RABGAP1: variants seen among roughly 807,000 people sequenced by gnomAD.
RABGAP1 encodes RAB GTPase activating protein 1.
A neutral mutation model predicts 137.6 loss-of-function variants in RABGAP1; 23 were observed. The observed-to-expected ratio is 0.17, with a 90% CI of 0.12 to 0.24. RABGAP1 has a LOEUF of 0.24. Among genes scored for constraint, RABGAP1 ranks in the 10% least tolerant of loss-of-function variants. The pLI is 1.00. For synonymous variants in RABGAP1, 451 were observed against 450.7 expected, an observed-to-expected ratio of 1.00 and a Z score of -0.01; for missense variants, 906 against 1,275.8, an observed-to-expected ratio of 0.71 and a Z score of 4.42.
chr9:122,987,424 T>A (rs1836429502), intron 4 of RABGAP1, among the ~76,000 whole-genome samples: 1 of 152,184 alleles, frequency 6.6e-6, no homozygotes, highest in Admixed American at 6.5e-5. Flanking sequence ...AAGATCTTCT[T>A]TGCATATTGG....
intron 24 of RABGAP1, 24 bp from the exon 25 acceptor site, chr9:123,101,542 T>C (rs746194564): frequency 1.0e-5 from 16 of 1,607,520 alleles, no homozygotes; most frequent in Non-Finnish European, 1.4e-5. Flanking sequence ...TCTTTGCCTC[T>C]TCACATCTAA....
chr9:122,966,276 G>C (rs1835138028), intron 2 of RABGAP1, among the ~76,000 whole-genome samples: 1 of 152,152 alleles, frequency 6.6e-6, no homozygotes, highest in Non-Finnish European at 1.5e-5. Flanking sequence ...TGTAATCCCA[G>C]CACTATGGGA....
intron 1 of RABGAP1, among the ~76,000 whole-genome samples, chr9:122,947,017 A>G (rs1833983169): frequency 6.6e-6 from 1 of 152,178 alleles, no homozygotes; most frequent in Admixed American, 6.5e-5. Context: ...ATTTTTAAAC[A>G]TGGAGCTACT....
chr9:122,983,993 G>C (rs1836230887), intron 2 of RABGAP1, among the ~76,000 whole-genome samples: 1 of 152,154 alleles, frequency 6.6e-6, no homozygotes, highest in African/African-American at 2.4e-5. Context: ...CTCTTCCTCA[G>C]AAATACAAGA....
intron 21 of RABGAP1, among the ~76,000 whole-genome samples, chr9:123,090,742 T>C (rs1773748555): frequency 2.0e-5 from 3 of 152,346 alleles, no homozygotes; most frequent in South Asian, 2.1e-4. Flanking sequence ...GATTTTGTTA[T>C]CCTACATATT....
intron 10 of RABGAP1, among the ~76,000 whole-genome samples, chr9:123,003,419 A>T (rs1588251055): frequency 6.6e-6 from 1 of 152,316 alleles, no homozygotes; most frequent in East Asian, 1.9e-4. Flanking sequence ...CATCTATAAG[A>T]GTATTTTTAG....
intron 1 of RABGAP1, 116 bp from the exon 2 acceptor site, chr9:122,956,895 A>G (rs1182741277): frequency 4.2e-6 from 2 of 471,586 alleles, no homozygotes; most frequent in African/African-American, 2.0e-5. Context: ...AAGTCTTAGG[A>G]AAATATTTTT....
intron 16 of RABGAP1, among the ~76,000 whole-genome samples, chr9:123,074,007 T>C (rs1455446778): frequency 6.6e-6 from 1 of 152,162 alleles, no homozygotes; most frequent in Non-Finnish European, 1.5e-5. Flanking sequence ...TGAAACAAAC[T>C]TTCCCAAATG....
At chr9:122,955,775 C>T (rs1834485667) in intron 1 of RABGAP1, among the ~76,000 whole-genome samples, 2 of 152,120 alleles carry the variant, frequency 1.3e-5, no homozygotes, top group Non-Finnish European at 2.9e-5. Flanking sequence ...GTGTTTGACA[C>T]ATGGTGTATG....
chr9:123,017,095 C>T (rs2031289285), intron 12 of RABGAP1, among the ~76,000 whole-genome samples: 1 of 152,142 alleles, frequency 6.6e-6, no homozygotes, highest in Non-Finnish European at 1.5e-5. Flanking sequence ...TTCTGGTGCT[C>T]TTGTCACAAT....
chr9:122,947,041 T>G (rs1833984628), intron 1 of RABGAP1, among the ~76,000 whole-genome samples: 1 of 152,136 alleles, frequency 6.6e-6, no homozygotes, highest in African/African-American at 2.4e-5. Context: ...ATCTACCTCA[T>G]GGAACTGTAA....
chr9:123,071,379 A>G (rs187142294), intron 15 of RABGAP1: 1 of 152,344 alleles, frequency 6.6e-6, no homozygotes, highest in East Asian at 1.9e-4. Flanking sequence ...AATGTCCCAC[A>G]GTCTTGATTT....
At chr9:122,966,062 A>G (rs922857524) in intron 2 of RABGAP1, among the ~76,000 whole-genome samples, 1 of 152,240 alleles carries the variant, frequency 6.6e-6, no homozygotes, top group African/African-American at 2.4e-5. Context: ...GATGGGAAAG[A>G]GAAAGGTAAG....
intron 4 of RABGAP1, among the ~76,000 whole-genome samples, chr9:122,988,351 T>C (rs1172510857): frequency 6.6e-6 from 1 of 152,218 alleles, no homozygotes; most frequent in Non-Finnish European, 1.5e-5. Context: ...AGTTTCTTTT[T>C]AGACCTTCCA....
intron 13 of RABGAP1, among the ~76,000 whole-genome samples, chr9:123,052,852 ATC>A (rs367863310): frequency 1.9e-3 from 289 of 152,308 alleles, no homozygotes; most frequent in African/African-American, 6.1e-3. Flanking sequence ...AGGCAGGAAA[ATC>A]TCTTGAACCT....
chr9:123,038,533 T>A (rs2032789484), intron 13 of RABGAP1, among the ~76,000 whole-genome samples: 1 of 152,068 alleles, frequency 6.6e-6, no homozygotes, highest in Non-Finnish European at 1.5e-5. Flanking sequence ...ATAGGAATTG[T>A]TTTAATTTCA....
intron 2 of RABGAP1, among the ~76,000 whole-genome samples, chr9:122,959,100 A>G (rs1834703166): frequency 6.6e-6 from 1 of 152,164 alleles, no homozygotes; most frequent in South Asian, 2.1e-4. Context: ...ATAAGAGTGA[A>G]TGACAGGTGC....
At chr9:122,944,696 G>C (rs900711531) in intron 1 of RABGAP1, among the ~76,000 whole-genome samples, 19 of 151,278 alleles carry the variant, frequency 1.3e-4, no homozygotes, top group Admixed American at 8.6e-4. Context: ...TCAGCTTCCC[G>C]AGTAGCTGGG....
intron 1 of RABGAP1, chr9:122,946,221 T>A (rs1833943831): frequency 6.6e-6 from 1 of 152,130 alleles, no homozygotes; most frequent in Admixed American, 6.6e-5. Flanking sequence ...ATCAAACAGG[T>A]CATAGAAAAG....
Sources: gnomAD v4.1 joint callset for allele counts (sites outside exome capture counted in the v4.1 genomes callset) on GRCh38, gnomAD v4.1.1 for gene constraint, MANE v1.5 for transcripts, NCBI Gene and HGNC (gene_info 2026-07-23, HGNC 2026-07-21) for gene names.